ZNF765: variants seen among roughly 807,000 people sequenced by gnomAD.
ZNF765 encodes zinc finger protein 765.
Under a neutral mutation model 44.7 loss-of-function variants are expected in ZNF765, and 37 were observed. The observed-to-expected ratio is 0.83, with a 90% confidence interval of 0.64 to 1.09. ZNF765 has a LOEUF of 1.09. Among genes scored for constraint, ZNF765 ranks in the 50% least tolerant of loss-of-function variants. The probability of loss-of-function intolerance (pLI) is 0.00; values close to 1 mark genes in which losing one functional copy is unlikely to be tolerated. For missense variants in ZNF765, 594 were observed against 626.1 expected, an observed-to-expected ratio of 0.95 and a Z score of 0.55; for synonymous variants, 201 against 213.7, an observed-to-expected ratio of 0.94 and a Z score of 0.52.
downstream of ZNF765, among the ~76,000 whole-genome samples, chr19:53,413,930 C>CAAAAAAAAA (rs386389261): frequency 1.4e-4 from 11 of 79,798 alleles, no homozygotes; most frequent in Non-Finnish European, 2.5e-4. Flanking sequence ...GCTAGAAAGA[C>CAAAAAAAAA]AAAAAAAAAA....
At chr19:53,405,176 A>AC (rs369356912) in intron 3 of ZNF765, among the ~76,000 whole-genome samples, 1 of 152,086 alleles carries the variant, frequency 6.6e-6, no homozygotes, top group African/African-American at 2.4e-5. Context: ...ACATGTTGAA[A>AC]CCCCGTCTCT....
chr19:53,407,437 T>C (rs1385781644), intron 3 of ZNF765, among the ~76,000 whole-genome samples: 1 of 152,212 alleles, frequency 6.6e-6, no homozygotes, highest in African/African-American at 2.4e-5. Flanking sequence ...TGGAAAAATA[T>C]TCCTTACTTT....
At chr19:53,426,505 C>G (rs910861950) in exon 4 of ZNF765, 3 of 152,246 alleles carry the variant, frequency 2.0e-5, no homozygotes, top group African/African-American at 7.3e-5. Flanking sequence ...CTGCACTAAT[C>G]TAGACCAGGG....
downstream of ZNF765, among the ~76,000 whole-genome samples, chr19:53,416,645 CTG>C (rs2085876646): frequency 6.6e-6 from 1 of 151,838 alleles, no homozygotes; most frequent in Non-Finnish European, 1.5e-5. Flanking sequence ...TATTGATAAA[CTG>C]TATTTGTAAT....
In ZNF765 at chr19:53,408,692, A is replaced by T; in HGVS notation, c.1137A>T (p.Gly379=). The part of the protein sequence containing the change: ...HFTCHHRVHT[G]EKPYKCNECS... ...CATGCCATCATAGAGTTCATACTGG[A>T]GAGAAACCTTACAAGTGTAATGAGT... The change falls in exon 4 of 4, where the codon GGA becomes GGT. Residue 379 remains glycine, a synonymous_variant. Coordinates refer to ENST00000396408, the MANE Select transcript of ZNF765 (RefSeq NM_001040185.3). 1.3e-6 allele frequency: 2 copies of T among 1,531,660 alleles called. No homozygotes were observed. Among genetic ancestry groups the T allele is most frequent in the Non-Finnish European group, 1.8e-6 (2 of 1,128,224 alleles). The allele number at this position is 1,531,660 out of a possible 1,614,324, so 94.9% of individuals were successfully genotyped here.
At position 53,407,708 on chromosome 19, in the gene ZNF765, C is replaced by G. The variant is rs758617357; in HGVS notation, c.153C>G (p.Ser51=). ...GTGTATACTTTTTAGATATCTCTTC[C>G]AAATGCATGATGAAGGAGTTCTCGT... ...YRNLVSLDIS[S]KCMMKEFSST... is the part of the protein sequence containing the mutation. The change falls in exon 4 of 4, where the codon TCC becomes TCG. Residue 51 remains serine (S), a synonymous_variant. Transcript: ENST00000396408. The G allele has an allele frequency of 2.4e-5, 37 of 1,548,202 alleles. No homozygotes were observed. Among genetic ancestry groups the G allele is most frequent in the South Asian group, 1.6e-4 (13 of 78,838 alleles).
intron 2 of ZNF765, among the ~76,000 whole-genome samples, chr19:53,398,643 A>G (rs2085693591): frequency 6.6e-6 from 1 of 152,200 alleles, no homozygotes; most frequent in African/African-American, 2.4e-5. Flanking sequence ...TCATTCAACC[A>G]TTCTTAGCAC....
intron 3 of ZNF765, among the ~76,000 whole-genome samples, chr19:53,405,260 G>A (rs368542051): frequency 4.1e-4 from 62 of 152,122 alleles, no homozygotes; most frequent in African/African-American, 1.4e-3. Context: ...GCCGAGGCAG[G>A]AGAATCACTA....
At chr19:53,400,459 CTGTTTTCT>C (rs529406437) in intron 2 of ZNF765, among the ~76,000 whole-genome samples, 2 of 152,168 alleles carry the variant, frequency 1.3e-5, no homozygotes, top group South Asian at 4.2e-4. Flanking sequence ...GAGGCATTTC[CTGTTTTCT>C]TAGATCTGAC....
At chr19:53,402,678 G>A (rs1471602637) in intron 3 of ZNF765, among the ~76,000 whole-genome samples, 1 of 152,014 alleles carries the variant, frequency 6.6e-6, no homozygotes, top group African/African-American at 2.4e-5. Context: ...TGTCCCACCT[G>A]AGCCTCCCCT....
chr19:53,423,636 T>C, exon 4 of ZNF765: 1 of 253,816 alleles, frequency 3.9e-6, no homozygotes, highest in African/African-American at 2.4e-5. Context: ...TCAGCCGCTT[T>C]CTTCTCATGA....
intron 3 of ZNF765, among the ~76,000 whole-genome samples, chr19:53,420,786 C>G (rs2085902364): frequency 6.6e-6 from 1 of 152,116 alleles, no homozygotes; most frequent in African/African-American, 2.4e-5. Flanking sequence ...AAGTCATCGC[C>G]ATTCTCCAGT....
At chr19:53,397,440 T>TG (rs1371734872) in intron 1 of ZNF765, among the ~76,000 whole-genome samples, 2 of 152,172 alleles carry the variant, frequency 1.3e-5, no homozygotes, top group Non-Finnish European at 2.9e-5. Context: ...GGTTTCACCA[T>TG]GTTGGCCAGG....
intron 3 of ZNF765, among the ~76,000 whole-genome samples, chr19:53,417,099 T>C (rs1409972214): frequency 6.6e-6 from 1 of 152,196 alleles, no homozygotes; most frequent in Non-Finnish European, 1.5e-5. Context: ...ATTACAGACG[T>C]GAGCCACTAT....
At position 53,409,251 on chromosome 19, in the gene ZNF765, A is replaced by C; in HGVS notation, c.*124A>C. 1.8e-6 allele frequency: 2 copies of C among 1,127,220 alleles called. No individual in the cohort carries two copies. Among genetic ancestry groups the C allele is most frequent in the Non-Finnish European group, 2.7e-6 (2 of 740,886 alleles). 69.8% of individuals were successfully genotyped at this position (1,127,220 alleles called of 1,614,324 possible). ...CTTACAATTTCAAATCAAACCTTGA[A>C]ATACATCAGAAAATTCGTACTGAAG... is the stretch of plus-strand genomic sequence containing the variant. On this transcript the variant is annotated 3_prime_UTR_variant, in exon 4 of 4. Coordinates refer to ENST00000396408, the MANE Select transcript of ZNF765 (RefSeq NM_001040185.3).
chr19:53,399,434 C>T (rs897674219), intron 2 of ZNF765, among the ~76,000 whole-genome samples: 27 of 151,588 alleles, frequency 1.8e-4, no homozygotes, highest in Non-Finnish European at 2.1e-4. Context: ...CTGTGCCAGG[C>T]GTCAGAGCAA....
chr19:53,407,547 T>TA (rs2085786829), intron 3 of ZNF765, 151 bp from the exon 4 acceptor site: 1 of 519,400 alleles, frequency 1.9e-6, no homozygotes, highest in African/African-American at 2.0e-5. Context: ...CTTTATTTGT[T>TA]AAAGAATCTT....
intron 1 of ZNF765, among the ~76,000 whole-genome samples, chr19:53,395,398 C>T (rs548448957): frequency 3.9e-5 from 6 of 152,360 alleles, no homozygotes; most frequent in Admixed American, 1.3e-4. Flanking sequence ...CCGGGTGTTT[C>T]TGCTATAGGG....
Position 53,410,134 on chromosome 19 carries a change from C to A in ZNF765, c.*1007C>A. The A allele has an allele frequency of 2.3e-6, 1 of 436,094 alleles. No homozygotes were observed. The highest frequency in any genetic ancestry group is 1.7e-5 in the South Asian group (1 of 57,740). 27.0% of individuals were successfully genotyped at this position (436,094 alleles called of 1,614,324 possible). A position where few individuals can be genotyped will look rare whatever the true frequency, so the allele number is the denominator to read the frequency against. ...TGAAGCTTTCAGATTCAAATCAAAC[C>A]TTGATAGTCATAGAATTCATACTAG... On this transcript the variant is annotated 3_prime_UTR_variant, in exon 4 of 4. Coordinates refer to ENST00000396408, the MANE Select transcript of ZNF765 (RefSeq NM_001040185.3).
Sources: gnomAD v4.1 joint callset for allele counts (sites outside exome capture counted in the v4.1 genomes callset) on GRCh38, gnomAD v4.1.1 for gene constraint, MANE v1.5 for transcripts, NCBI Gene and HGNC (gene_info 2026-07-23, HGNC 2026-07-21) for gene names.